Variants in DMD observed in about 807,000 individuals in gnomAD.
The protein encoded by DMD is mutant dystrophin.
A neutral mutation model predicts 330.1 loss-of-function variants in DMD; 63 were observed. The observed-to-expected ratio is 0.19, with a 90% CI of 0.16 to 0.24. The LOEUF is 0.24. Ranked by LOEUF, DMD falls within the 10% of genes least tolerant of loss-of-function variation. The probability of loss-of-function intolerance (pLI) is 1.00; values close to 1 mark genes in which losing one functional copy is unlikely to be tolerated. For missense variants in DMD, 3,344 were observed against 2,684.1 expected (o/e 1.25, Z -5.43); for synonymous variants, 1,223 against 959.8 (o/e 1.27, Z -5.07).
intron 2 of DMD, among the ~76,000 whole-genome samples, chrX:32,958,088 A>G (rs1192405894): frequency 8.9e-6 from 1 of 111,876 alleles, no homozygotes; most frequent in Non-Finnish European, 1.9e-5. Context: ...AATTATACTA[A>G]TGTCATTAGA....
Position 33,194,441 on chromosome X carries a change from T to A in DMD, c.31+16841A>T, listed in dbSNP as rs5928198. 2.8e-5 allele frequency among the ~76,000 whole-genome samples: 3 copies of A among 109,087 alleles called. No homozygotes were observed. The East Asian group carries it at 8.7e-4, about 32-fold the overall frequency. The allele number at this position is 109,087 out of a possible 115,157, so 94.7% of individuals were successfully genotyped here. A position where few individuals can be genotyped will look rare whatever the true frequency, so the allele number is the denominator to read the frequency against. ...ATTGGGTTATATGATCTAATTTAGT[T>A]GAAGATAATACAATAATATACACTT... On this transcript the variant is annotated intron_variant, in intron 1 of 78. Transcript: ENST00000357033.
At chrX:32,652,493 T>A (rs2060235142) in intron 9 of DMD, among the ~76,000 whole-genome samples, 1 of 110,461 alleles carries the variant, frequency 9.1e-6, no homozygotes, top group Non-Finnish European at 1.9e-5. Flanking sequence ...TGCATAGTAT[T>A]TCATGGTGTA....
intron 18 of DMD, among the ~76,000 whole-genome samples, chrX:32,516,099 C>A (rs1234038014): frequency 2.7e-5 from 3 of 110,257 alleles, no homozygotes; most frequent in African/African-American, 9.9e-5. Context: ...TAATGAAAGC[C>A]TAAAAATGGA....
chrX:32,962,817 C>T (rs973065345), intron 2 of DMD, among the ~76,000 whole-genome samples: 3 of 111,856 alleles, frequency 2.7e-5, no homozygotes, highest in Admixed American at 9.5e-5. Context: ...TTTCACTATG[C>T]TTTTGTCAGC....
chrX:32,719,925 GCACA>G (rs1245889751), intron 7 of DMD, among the ~76,000 whole-genome samples: 25 of 108,804 alleles, frequency 2.3e-4, no homozygotes, highest in African/African-American at 4.3e-4. Flanking sequence ...GTGCACACGT[GCACA>G]CACATACTAT....
rs369216826 is a variant in DMD, at chrX:31,380,016, A to G, written c.9085-31382T>C. Among the ~76,000 whole-genome samples the G allele has an allele frequency of 9.9e-5, 11 of 111,211 alleles. 1 individual carries two copies. The East Asian group carries it at 2.3e-3, about 23-fold the overall frequency. On this transcript the variant is annotated intron_variant, in intron 60 of 78. Coordinates refer to ENST00000357033, the MANE Select transcript of DMD (RefSeq NM_004006.3). ...CCTCAGAAGCCCCCTAGACCATCAC[A>G]GATGCCGATCTTCAGGTAACTCTCA...
chrX:31,569,660 G>GTATATACA (rs1466142877), intron 55 of DMD, among the ~76,000 whole-genome samples: 1 of 86,578 alleles, frequency 1.2e-5, no homozygotes. Context: ...GTATATATAC[G>GTATATACA]TATATATACG....
At chrX:32,861,645 TGAGAA>T (rs906199484) in intron 2 of DMD, among the ~76,000 whole-genome samples, 2 of 111,624 alleles carry the variant, frequency 1.8e-5, no homozygotes, top group African/African-American at 3.3e-5. Context: ...GAGAGAGAAC[TGAGAA>T]GAGAAGATTA....
chrX:32,466,173 T>A (rs1006371853), intron 23 of DMD, among the ~76,000 whole-genome samples: 1 of 111,260 alleles, frequency 9.0e-6, no homozygotes, highest in Non-Finnish European at 1.9e-5. Context: ...CTGTCTACTC[T>A]CAATCCAGTT....
At chrX:33,118,201 C>T (rs2095400906) in intron 1 of DMD, among the ~76,000 whole-genome samples, 1 of 105,628 alleles carries the variant, frequency 9.5e-6, no homozygotes, top group Non-Finnish European at 2.0e-5. Flanking sequence ...AGCTCCGCCT[C>T]CCGGGTTCAC....
intron 43 of DMD, among the ~76,000 whole-genome samples, chrX:32,281,592 C>T (rs1302010642): frequency 9.0e-6 from 1 of 111,446 alleles, no homozygotes; most frequent in East Asian, 2.8e-4. Flanking sequence ...CCTTGTTAAT[C>T]ACAACTCACA....
At chrX:31,414,454 C>T (rs146870177) in intron 60 of DMD, among the ~76,000 whole-genome samples, 36 of 112,289 alleles carry the variant, frequency 3.2e-4, no homozygotes, top group African/African-American at 1.1e-3. Context: ...CATACTGATG[C>T]TTTGTTATTC....
Position 33,103,188 on chromosome X carries a change from T to C in DMD, c.32-82988A>G, listed in dbSNP as rs934942447. On this transcript the variant is annotated intron_variant, in intron 1 of 78. Coordinates refer to ENST00000357033, the MANE Select transcript of DMD (RefSeq NM_004006.3). Reference sequence around the variant, plus strand: ...ATCACGATATTAAATACGTCCAGAATTCCTATAAAATCTGTACATTAAGTT... The same window carrying C: ...ATCACGATATTAAATACGTCCAGAACTCCTATAAAATCTGTACATTAAGTT... Among the ~76,000 whole-genome samples the C allele has an allele frequency of 4.5e-5, 5 of 111,719 alleles. No homozygotes were observed. In the Admixed American group the frequency reaches 4.8e-4, roughly 11 times the overall value.
intron 67 of DMD, among the ~76,000 whole-genome samples, chrX:31,203,478 A>C (rs773036942): frequency 9.1e-6 from 1 of 109,814 alleles, no homozygotes; most frequent in East Asian, 2.9e-4. Flanking sequence ...ATTAGCAGAG[A>C]GTATACACCT....
At chrX:32,252,151 C>G (rs916805864) in intron 43 of DMD, among the ~76,000 whole-genome samples, 3 of 111,196 alleles carry the variant, frequency 2.7e-5, no homozygotes, top group African/African-American at 9.8e-5. Context: ...CTCACCATAC[C>G]CCATACACAA....
rs372377316 is a variant in DMD, at chrX:31,450,811, G to C, written c.8938-6184C>G. 1.8e-4 allele frequency among the ~76,000 whole-genome samples: 20 copies of C among 112,271 alleles called. No individual in the cohort carries two copies. In the South Asian group the frequency reaches 3.4e-3, roughly 19 times the overall value. On this transcript the variant is annotated intron_variant, in intron 59 of 78. Transcript: ENST00000357033. ...CAAATTGTACAACAGCAGGTGCCATGATGAGGCAAAGGGGTTTTCCCTTTG... is the reference window on the plus strand; with the variant it reads ...CAAATTGTACAACAGCAGGTGCCATCATGAGGCAAAGGGGTTTTCCCTTTG...
At chrX:32,803,915 A>G (rs769265292) in intron 7 of DMD, among the ~76,000 whole-genome samples, 1 of 112,249 alleles carries the variant, frequency 8.9e-6, no homozygotes, top group South Asian at 3.7e-4. Context: ...TGGTGCTGAG[A>G]AGAATGTATA....
intron 44 of DMD, among the ~76,000 whole-genome samples, chrX:32,190,359 CAT>C (rs777543141): frequency 7.4e-5 from 8 of 108,611 alleles, no homozygotes; most frequent in African/African-American, 1.0e-4. Flanking sequence ...TCAGAGACCA[CAT>C]ATGTTTTGTG....
At chrX:32,984,158 A>T (rs1413802344) in intron 2 of DMD, among the ~76,000 whole-genome samples, 1 of 112,328 alleles carries the variant, frequency 8.9e-6, no homozygotes, top group Non-Finnish European at 1.9e-5. Flanking sequence ...TGTTTATAAG[A>T]GAGGTGAGAC....
Sources: allele counts gnomAD v4.1 joint callset (sites outside exome capture counted in the v4.1 genomes callset), GRCh38; gene constraint gnomAD v4.1.1; transcripts MANE v1.5; gene names NCBI Gene and HGNC (gene_info 2026-07-23, HGNC 2026-07-21).